The following GPHN variants were observed in gnomAD, a reference collection of about 807,000 sequenced individuals.
GPHN encodes the protein gephyrin.
A neutral mutation model predicts 95.5 loss-of-function variants in GPHN; 17 were observed. The ratio of observed to expected loss-of-function variants is 0.18; its 90% CI spans 0.12 to 0.27. The LOEUF is 0.27. Ranked by LOEUF, GPHN falls within the 10% of genes least tolerant of loss-of-function variation. GPHN has a pLI of 1.00. For missense variants in GPHN, 660 were observed against 978.1 expected (o/e 0.67, Z 4.34); for synonymous variants, 320 against 322.5 (o/e 0.99, Z 0.08).
the GPHN span, among the ~76,000 whole-genome samples, chr14:67,419,824 G>C: frequency 5.9e-5 from 9 of 151,754 alleles, no homozygotes; most frequent in Non-Finnish European, 1.2e-4. Flanking sequence ...ACTCCAGCCT[G>C]GGAGACAGAG....
chr14:67,614,707 A>C, the GPHN span, among the ~76,000 whole-genome samples: 176 of 152,232 alleles, frequency 1.2e-3, 2 homozygotes, highest in African/African-American at 4.2e-3. Context: ...GGTTGCTGTG[A>C]GCTATGATTG....
chr14:66,989,510 A>G (rs535613043), intron 9 of GPHN, among the ~76,000 whole-genome samples: 1 of 151,954 alleles, frequency 6.6e-6, no homozygotes, highest in East Asian at 1.9e-4. Context: ...CCATTATTTA[A>G]TTTCTTTTTT....
chr14:67,600,104 G>C, the GPHN span: 2 of 1,596,394 alleles, frequency 1.3e-6, no homozygotes, highest in African/African-American at 2.7e-5. Flanking sequence ...GAGAGCCGAG[G>C]GCAGCTGAGG....
At chr14:67,643,852 T>TAAAAA in the GPHN span, among the ~76,000 whole-genome samples, 56 of 81,202 alleles carry the variant, frequency 6.9e-4, 1 homozygote, top group South Asian at 1.3e-3. Context: ...TCCTTGGGAG[T>TAAAAA]AAAAAAAAAA....
At chr14:66,991,311 C>T (rs2071404347) in intron 9 of GPHN, among the ~76,000 whole-genome samples, 1 of 151,854 alleles carries the variant, frequency 6.6e-6, no homozygotes, top group Non-Finnish European at 1.5e-5. Flanking sequence ...TACTACAAAT[C>T]CTTAGATTGG....
chr14:67,699,617 CAGAG>C, the GPHN span, among the ~76,000 whole-genome samples: 668 of 116,122 alleles, frequency 5.8e-3, 5 homozygotes, highest in Middle Eastern at 9.5e-3. Flanking sequence ...AAAAAAGAAA[CAGAG>C]AGAGAAAGAA....
chr14:67,258,112 A>G, the GPHN span, among the ~76,000 whole-genome samples: 1 of 151,952 alleles, frequency 6.6e-6, no homozygotes, highest in East Asian at 1.9e-4. Flanking sequence ...TTAATGCAGC[A>G]CGTATTGAGT....
At chr14:66,790,153 GT>G (rs1343429218) in intron 3 of GPHN, among the ~76,000 whole-genome samples, 1 of 152,040 alleles carries the variant, frequency 6.6e-6, no homozygotes, top group African/African-American at 2.4e-5. Flanking sequence ...TTTTAAAAAA[GT>G]TTTTTTAAAA....
At chr14:66,650,277 A>G (rs7158088) in intron 1 of GPHN, among the ~76,000 whole-genome samples, 38,324 of 152,096 alleles carry the variant, frequency 0.25, 9,735 homozygotes, top group African/African-American at 0.62. Context: ...CCTGCATTAG[A>G]AGACAAGCCT....
intron 1 of GPHN, among the ~76,000 whole-genome samples, chr14:66,650,299 C>T (rs2064980630): frequency 6.6e-6 from 1 of 152,014 alleles, no homozygotes; most frequent in Non-Finnish European, 1.5e-5. Flanking sequence ...TGGAGTTTTT[C>T]AAAAGAAAAG....
intron 4 of GPHN, among the ~76,000 whole-genome samples, chr14:66,839,114 A>T (rs1438491144): frequency 6.6e-6 from 1 of 152,232 alleles, no homozygotes; most frequent in African/African-American, 2.4e-5. Flanking sequence ...ATAGATGAGA[A>T]TTAGCAGAAA....
chr14:67,473,486 C>T, the GPHN span: 5 of 1,614,208 alleles, frequency 3.1e-6, no homozygotes, highest in East Asian at 2.2e-5. This position sits in a 1 kb window ranked among gnomAD's most constrained non-coding sequence, Gnocchi z 6.5. Context: ...GCTCAGCGTC[C>T]TTGTCGAAGC....
the GPHN span, among the ~76,000 whole-genome samples, chr14:67,520,208 G>A: frequency 1.3e-5 from 2 of 152,082 alleles, no homozygotes; most frequent in African/African-American, 4.8e-5. Flanking sequence ...AAAGTCCATA[G>A]TTTACATTAG....
chr14:67,633,271 T>C, the GPHN span, among the ~76,000 whole-genome samples: 2 of 152,046 alleles, frequency 1.3e-5, no homozygotes, highest in Admixed American at 6.6e-5. Context: ...GGTTCTCTCT[T>C]TTTTTTTCTT....
At chr14:67,214,568 G>A in the GPHN span, among the ~76,000 whole-genome samples, 23 of 152,232 alleles carry the variant, frequency 1.5e-4, no homozygotes, top group East Asian at 4.4e-3. Flanking sequence ...GGTTACTGTA[G>A]CCTTGTAGTA....
chr14:67,568,672 C>G, the GPHN span, among the ~76,000 whole-genome samples: 1 of 152,304 alleles, frequency 6.6e-6, no homozygotes, highest in East Asian at 1.9e-4. Context: ...TTCCAAACAA[C>G]TGGCTTACAA....
At chr14:66,582,962 T>G (rs1215033768) in intron 1 of GPHN, among the ~76,000 whole-genome samples, 2 of 152,196 alleles carry the variant, frequency 1.3e-5, no homozygotes, top group African/African-American at 2.4e-5. Context: ...ATCGCCACAC[T>G]GACTTCCACA....
At chr14:66,838,636 ATATAT>A (rs2061956915) in intron 4 of GPHN, among the ~76,000 whole-genome samples, 1 of 152,156 alleles carries the variant, frequency 6.6e-6, no homozygotes, top group African/African-American at 2.4e-5. Flanking sequence ...TATTTTGCAG[ATATAT>A]TAGTAAAATG....
At chr14:67,072,177 A>G (rs914242448) in intron 11 of GPHN, among the ~76,000 whole-genome samples, 4 of 152,148 alleles carry the variant, frequency 2.6e-5, no homozygotes, top group Non-Finnish European at 5.9e-5. Flanking sequence ...GTGGAAAAAA[A>G]TGTTTTAAGT....
Sources: gnomAD v4.1 joint callset for allele counts (sites outside exome capture counted in the v4.1 genomes callset) on GRCh38, gnomAD v4.1.1 for gene constraint, Gnocchi (gnomAD v3.1) non-coding constraint, MANE v1.5 for transcripts, NCBI Gene and HGNC (gene_info 2026-07-23, HGNC 2026-07-21) for gene names.